The following MYO16 variants were observed in gnomAD, a reference collection of about 807,000 sequenced individuals.
MYO16 encodes the protein myosin XVI.
In MYO16, 94 loss-of-function variants were observed where a neutral mutation model predicts 205.3. The observed-to-expected ratio is 0.46, with a 90% CI of 0.39 to 0.54. MYO16 has a LOEUF of 0.54. MYO16 is among the 20% of genes least tolerant of loss of function. The pLI is 0.00. For missense variants in MYO16, 2,315 were observed against 2,387.5 expected, an observed-to-expected ratio of 0.97 and a Z score of 0.63; for synonymous variants, 988 against 954.0, an observed-to-expected ratio of 1.04 and a Z score of -0.66.
chr13:108,884,946 AG>A (rs1879796251), intron 13 of MYO16, among the ~76,000 whole-genome samples: 1 of 151,834 alleles, frequency 6.6e-6, no homozygotes, highest in Non-Finnish European at 1.5e-5. Context: ...TCTAGACACG[AG>A]GGTGATAAAG....
intron 4 of MYO16, among the ~76,000 whole-genome samples, chr13:108,748,328 T>C (rs1171651203): frequency 1.3e-5 from 2 of 152,032 alleles, no homozygotes; most frequent in Admixed American, 6.5e-5. Flanking sequence ...GTACAACTTA[T>C]CAAAATGTAT....
chr13:108,687,178 T>C (rs1181146867), intron 2 of MYO16, among the ~76,000 whole-genome samples: 1 of 152,256 alleles, frequency 6.6e-6, no homozygotes, highest in Non-Finnish European at 1.5e-5. Flanking sequence ...ATGTTAAGCA[T>C]AAATATATGC....
chr13:108,996,621 A>C (rs1016924025), intron 21 of MYO16, among the ~76,000 whole-genome samples: 1 of 152,192 alleles, frequency 6.6e-6, no homozygotes, highest in Admixed American at 6.5e-5. Flanking sequence ...TTTGAGGACA[A>C]TAAGGAAATG....
chr13:108,603,217 A>T (rs183890800), intron 1 of MYO16, among the ~76,000 whole-genome samples: 98 of 152,204 alleles, frequency 6.4e-4, no homozygotes, highest in African/African-American at 2.3e-3. Flanking sequence ...GACAGAGGGA[A>T]TGGTCAGTTT....
At chr13:109,085,693 T>G (rs556587185) in intron 27 of MYO16, among the ~76,000 whole-genome samples, 1 of 152,186 alleles carries the variant, frequency 6.6e-6, no homozygotes, top group Non-Finnish European at 1.5e-5. Context: ...AAAGACATGC[T>G]GGGAGAGCCA....
At chr13:108,752,248 T>C (rs934213203) in intron 4 of MYO16, among the ~76,000 whole-genome samples, 1 of 152,178 alleles carries the variant, frequency 6.6e-6, no homozygotes, top group Non-Finnish European at 1.5e-5. Context: ...AGACCAAGTC[T>C]CATTGTGACT....
chr13:109,071,716 T>G lies in MYO16; in HGVS notation c.3335+16121T>G, dbSNP rs188111272. 2.5e-3 allele frequency among the ~76,000 whole-genome samples: 377 copies of G among 152,332 alleles called. 1 individual carries two copies. Among genetic ancestry groups the G allele is most frequent in the Non-Finnish European group, 4.4e-3 (296 of 68,020 alleles). On this transcript the variant is annotated intron_variant, in intron 27 of 34. Transcript: ENST00000457511. ...AACATGAAAATTATACCTATACTTT[T>G]TTTTAATTAACGATGACCTACACAT...
At chr13:108,531,448 A>G in the MYO16 span, among the ~76,000 whole-genome samples, 1 of 152,108 alleles carries the variant, frequency 6.6e-6, no homozygotes, top group Non-Finnish European at 1.5e-5. Context: ...CATTTCAGAG[A>G]TCTATTTTAG....
At chr13:109,138,215 A>G (rs1313673779) in intron 31 of MYO16, among the ~76,000 whole-genome samples, 3 of 152,240 alleles carry the variant, frequency 2.0e-5, no homozygotes, top group Non-Finnish European at 4.4e-5. Flanking sequence ...ATGTGCAGTC[A>G]TAGAGAGGGA....
chr13:109,069,974 G>A (rs1042847716), intron 27 of MYO16, among the ~76,000 whole-genome samples: 3 of 152,064 alleles, frequency 2.0e-5, no homozygotes, highest in East Asian at 1.9e-4. Context: ...AACTATTAGG[G>A]CACTAATCTC....
Position 109,120,923 on chromosome 13 carries a change from A to G in MYO16, c.3535+457A>G, listed in dbSNP as rs544417700. Among the ~76,000 whole-genome samples, 35 of 152,224 alleles carry G rather than the reference A, an allele frequency of 2.3e-4. No individual in the cohort carries two copies. In the South Asian group the frequency reaches 7.3e-3, roughly 32 times the overall value. ...TAATTAGTCAAGCATGGTGGGACGC[A>G]ACAATAGTCCCAGCTACTCAGGAGA... On this transcript the variant is annotated intron_variant, in intron 29 of 34. Transcript: ENST00000457511.
At chr13:109,021,877 A>G (rs1886034417) in intron 23 of MYO16, among the ~76,000 whole-genome samples, 1 of 151,914 alleles carries the variant, frequency 6.6e-6, no homozygotes, top group African/African-American at 2.4e-5. Context: ...AGGGCCTGAT[A>G]CAGGAGATAT....
the MYO16 span, among the ~76,000 whole-genome samples, chr13:108,565,036 C>G: frequency 6.6e-6 from 1 of 152,124 alleles, no homozygotes; most frequent in Non-Finnish European, 1.5e-5. Flanking sequence ...CACTACCATG[C>G]TGTTTTGGTT....
intron 4 of MYO16, among the ~76,000 whole-genome samples, chr13:108,760,287 T>C (rs1379517221): frequency 1.3e-5 from 2 of 152,198 alleles, no homozygotes; most frequent in Admixed American, 1.3e-4. Flanking sequence ...TGGGCACTCT[T>C]ACAGGTATTT....
At chr13:108,893,952 A>G (rs920976095) in intron 14 of MYO16, among the ~76,000 whole-genome samples, 13 of 152,236 alleles carry the variant, frequency 8.5e-5, no homozygotes, top group African/African-American at 2.9e-4. Context: ...TCATACTGCC[A>G]TAAAGATACC....
At position 108,959,493 on chromosome 13, in the gene MYO16, C is replaced by T. The variant is rs1313569946; in HGVS notation, c.2037+1694C>T. 2.0e-5 allele frequency among the ~76,000 whole-genome samples: 3 copies of T among 152,300 alleles called. No individual in the cohort carries two copies. The Middle Eastern group carries it at 0.01, about 518-fold the overall frequency. On this transcript the variant is annotated intron_variant, in intron 17 of 34. Coordinates refer to ENST00000457511, the MANE Select transcript of MYO16 (RefSeq NM_001198950.3). ...TTCTGACTAAGGTAACCCAGGGAGA[C>T]TCATAGCCTTCTTGGTAAAAGAAGT...
chr13:108,891,317 T>C (rs897215699), intron 14 of MYO16, among the ~76,000 whole-genome samples: 8 of 152,246 alleles, frequency 5.3e-5, no homozygotes, highest in African/African-American at 1.9e-4. Flanking sequence ...GTGGGATTTT[T>C]CTACCTCTCT....
At chr13:109,147,906 C>T (rs1877427783) in intron 32 of MYO16, among the ~76,000 whole-genome samples, 1 of 152,160 alleles carries the variant, frequency 6.6e-6, no homozygotes, top group African/African-American at 2.4e-5. Flanking sequence ...GAAGGGGGGT[C>T]TCCATTTATC....
intron 27 of MYO16, among the ~76,000 whole-genome samples, chr13:109,075,502 G>T (rs552348842): frequency 6.6e-6 from 1 of 151,752 alleles, no homozygotes; most frequent in Non-Finnish European, 1.5e-5. Flanking sequence ...CGATTCTCCC[G>T]CCTCAGCCTC....
Sources: gnomAD v4.1 joint callset for allele counts (sites outside exome capture counted in the v4.1 genomes callset) on GRCh38, gnomAD v4.1.1 for gene constraint, MANE v1.5 for transcripts, NCBI Gene and HGNC (gene_info 2026-07-23, HGNC 2026-07-21) for gene names.